LAMA2: variants seen among roughly 807,000 people sequenced by gnomAD.
LAMA2 encodes laminin subunit alpha-2.
LAMA2 carries 269 observed loss-of-function variants against 364.8 expected under a neutral mutation model. The ratio of observed to expected loss-of-function variants is 0.74; its 90% CI spans 0.67 to 0.82. LAMA2 has a LOEUF of 0.82. Ranked by LOEUF, LAMA2 falls within the 40% of genes least tolerant of loss-of-function variation. The pLI, the probability that LAMA2 is intolerant of heterozygous loss-of-function variation, is 0.00. For missense variants in LAMA2, 3,807 were observed against 3,873.2 expected (o/e 0.98, Z 0.45); for synonymous variants, 1,379 against 1,370.6 (o/e 1.01, Z -0.14).
rs779297500 is a variant in LAMA2 at position 129,291,622 on chromosome 6, T to C, written c.2758T>C (p.Cys920Arg). ...CTCTCTTCTCTTTGCAGCCTGTCGC[T>C]GTAATGCCGGTGGCTCTTTCTCTGA... ...VDAKNCQPCR[C>R]NAGGSFSEVC... The change falls in exon 20 of 65, where the codon TGT (cysteine) becomes CGT (arginine). Residue 920 changes from cysteine to arginine, a missense_variant. Physicochemically the swap from Cys to Arg is radical, Grantham distance 180. Transcript: ENST00000421865. 1 of 1,613,736 alleles carries C rather than the reference T, an allele frequency of 6.2e-7. No individual in the cohort carries two copies. Among genetic ancestry groups the C allele is most frequent in the Admixed American group, 1.7e-5 (1 of 60,026 alleles).
intron 56 of LAMA2, among the ~76,000 whole-genome samples, chr6:129,491,338 T>C (rs966472743): frequency 6.6e-6 from 1 of 152,172 alleles, no homozygotes; most frequent in African/African-American, 2.4e-5. Context: ...TTAGGAAAAT[T>C]AATGAAACAG....
chr6:129,283,321 A>T (rs1210676713), intron 18 of LAMA2, among the ~76,000 whole-genome samples: 2 of 152,138 alleles, frequency 1.3e-5, no homozygotes, highest in Non-Finnish European at 2.9e-5. Flanking sequence ...TTGAGCTAAA[A>T]GTGAGTCAAA....
intron 52 of LAMA2, among the ~76,000 whole-genome samples, chr6:129,474,065 G>T (rs971246708): frequency 6.6e-6 from 1 of 152,010 alleles, no homozygotes; most frequent in African/African-American, 2.4e-5. Context: ...ATTAGAATGG[G>T]ATTAATTGAT....
chr6:128,892,805 TA>T (rs1776539599), intron 1 of LAMA2, among the ~76,000 whole-genome samples: 1 of 151,898 alleles, frequency 6.6e-6, no homozygotes, highest in Non-Finnish European at 1.5e-5. Flanking sequence ...ACTTGTGTAT[TA>T]AATTTTTAGT....
intron 1 of LAMA2, among the ~76,000 whole-genome samples, chr6:128,883,568 C>A (rs1183644996): frequency 6.6e-6 from 1 of 151,972 alleles, no homozygotes. Context: ...GCAAAAGGAA[C>A]GGGGAGTGCT....
intron 29 of LAMA2, among the ~76,000 whole-genome samples, chr6:129,330,592 G>GTTTTTTTT (rs1406358715): frequency 1.3e-5 from 1 of 78,532 alleles, no homozygotes; most frequent in African/African-American, 5.1e-5. Context: ...TTGTTGTTTG[G>GTTTTTTTT]TTTTTGTTTT....
intron 41 of LAMA2, among the ~76,000 whole-genome samples, chr6:129,430,094 T>C (rs1056965068): frequency 2.0e-5 from 3 of 152,246 alleles, no homozygotes; most frequent in Non-Finnish European, 2.9e-5. Context: ...GTTTTCTTGC[T>C]ACATTATGAC....
At chr6:129,256,801 G>C (rs1417668172) in intron 14 of LAMA2, among the ~76,000 whole-genome samples, 1 of 59,910 alleles carries the variant, frequency 1.7e-5, no homozygotes, top group Non-Finnish European at 4.1e-5. Flanking sequence ...TATATATATA[G>C]TGGGTAGAAA....
chr6:129,481,679 C>T (rs1784356752), intron 55 of LAMA2, among the ~76,000 whole-genome samples: 1 of 152,088 alleles, frequency 6.6e-6, no homozygotes, highest in African/African-American at 2.4e-5. Context: ...CTCATATTTG[C>T]ACCTATATTT....
intron 18 of LAMA2, among the ~76,000 whole-genome samples, chr6:129,283,015 A>G (rs1282198172): frequency 6.6e-6 from 1 of 152,130 alleles, no homozygotes. Flanking sequence ...ACAACAAAAC[A>G]TGGATTGGTA....
intron 45 of LAMA2, among the ~76,000 whole-genome samples, chr6:129,448,489 T>C (rs946553173): frequency 3.3e-5 from 5 of 152,224 alleles, no homozygotes; most frequent in Non-Finnish European, 7.3e-5. Flanking sequence ...TATTACATTT[T>C]CTGATTTGTA....
chr6:129,175,520 T>C (rs775085400), intron 9 of LAMA2, among the ~76,000 whole-genome samples: 4 of 152,240 alleles, frequency 2.6e-5, no homozygotes, highest in Non-Finnish European at 4.4e-5. Flanking sequence ...TTGAATTACA[T>C]AGCTCTCCAT....
chr6:129,349,002 T>G (rs1776712754), intron 30 of LAMA2, among the ~76,000 whole-genome samples: 1 of 152,228 alleles, frequency 6.6e-6, no homozygotes, highest in South Asian at 2.1e-4. Flanking sequence ...ACAATTTTGC[T>G]GGATGTTTAG....
At chr6:129,323,352 T>A (rs1393255736) in intron 28 of LAMA2, among the ~76,000 whole-genome samples, 1 of 152,214 alleles carries the variant, frequency 6.6e-6, no homozygotes, top group Non-Finnish European at 1.5e-5. Flanking sequence ...TTATTTCATG[T>A]TTTTATCCAC....
At chr6:129,173,629 T>A (rs1780369597) in intron 9 of LAMA2, among the ~76,000 whole-genome samples, 1 of 152,222 alleles carries the variant, frequency 6.6e-6, no homozygotes, top group African/African-American at 2.4e-5. Context: ...ATTGTAATAC[T>A]GTAATTAGAT....
chr6:129,288,074 T>C lies in LAMA2; in HGVS notation c.2749+16T>C, dbSNP rs765749695. ...AACTGTCAGCGTAAGTCCTGAACTA[T>C]TGATGCCCCTGACAGAATTGATGTA... On this transcript the variant is annotated intron_variant, in intron 19 of 64. Transcript: ENST00000421865. 2.4e-5 allele frequency: 38 copies of C among 1,603,030 alleles called. No individual in the cohort carries two copies. The highest frequency in any genetic ancestry group is 3.3e-5 in the South Asian group (3 of 90,862).
chr6:129,232,754 A>C (rs1784747720), intron 12 of LAMA2, among the ~76,000 whole-genome samples: 1 of 152,134 alleles, frequency 6.6e-6, no homozygotes, highest in African/African-American at 2.4e-5. Flanking sequence ...TAAGTTTAAG[A>C]ACCTTAAGGT....
At chr6:128,917,562 C>T (rs1256691750) in intron 1 of LAMA2, among the ~76,000 whole-genome samples, 1 of 152,080 alleles carries the variant, frequency 6.6e-6, no homozygotes, top group Non-Finnish European at 1.5e-5. Flanking sequence ...AGCTTCACAT[C>T]AGCACTAGTT....
chr6:129,182,566 C>A (rs1258353177), intron 10 of LAMA2, among the ~76,000 whole-genome samples: 2 of 151,554 alleles, frequency 1.3e-5, no homozygotes, highest in Admixed American at 1.3e-4. Context: ...CATGTATAAA[C>A]CATGATAAAT....
Sources: allele counts gnomAD v4.1 joint callset (sites outside exome capture counted in the v4.1 genomes callset), GRCh38; gene constraint gnomAD v4.1.1; transcripts MANE v1.5; gene names NCBI Gene and HGNC (gene_info 2026-07-23, HGNC 2026-07-21).